The following PPFIA2 variants were observed in gnomAD, a reference collection of about 807,000 sequenced individuals.
PPFIA2 encodes the protein PPFI scaffold protein A2, also known as liprin-alpha-2.
Under a neutral mutation model 175.5 loss-of-function variants are expected in PPFIA2, and 46 were observed. That is an observed-to-expected ratio of 0.26 (90% CI 0.21 to 0.34). The LOEUF is 0.34. Among genes scored for constraint, PPFIA2 ranks in the 10% least tolerant of loss-of-function variants. PPFIA2 has a pLI of 1.00. For missense variants in PPFIA2, 1,179 were observed against 1,506.1 expected (o/e 0.78, Z 3.60); for synonymous variants, 568 against 511.4 (o/e 1.11, Z -1.49).
chr12:81,722,093 G>A (rs2079431423), intron 3 of PPFIA2, among the ~76,000 whole-genome samples: 1 of 150,838 alleles, frequency 6.6e-6, no homozygotes, highest in Non-Finnish European at 1.5e-5. Context: ...ACTTTCCTCA[G>A]GGCATTTAGA....
chr12:81,405,385 A>G (rs1429593756), intron 8 of PPFIA2, among the ~76,000 whole-genome samples: 1 of 152,098 alleles, frequency 6.6e-6, no homozygotes, highest in Non-Finnish European at 1.5e-5. Context: ...ACAATTCAAA[A>G]GTGTTGTTTT....
intron 23 of PPFIA2, chr12:81,298,092 C>T (rs1443364849): frequency 6.6e-6 from 1 of 152,104 alleles, no homozygotes; most frequent in East Asian, 1.9e-4. Context: ...AAAATAGCAG[C>T]GAACTCTCTG....
chr12:81,589,843 T>C (rs531379755), intron 4 of PPFIA2, among the ~76,000 whole-genome samples: 1 of 152,200 alleles, frequency 6.6e-6, no homozygotes, highest in South Asian at 2.1e-4. Context: ...GTTCCCTCTG[T>C]TCTCGTCCAA....
intron 3 of PPFIA2, among the ~76,000 whole-genome samples, chr12:81,752,707 T>G (rs1377288228): frequency 1.3e-5 from 2 of 152,196 alleles, no homozygotes; most frequent in Non-Finnish European, 2.9e-5. Flanking sequence ...GCTTTAGAAT[T>G]TTATCAACTT....
At chr12:81,263,742 T>C (rs754443791) in intron 30 of PPFIA2, among the ~76,000 whole-genome samples, 1 of 152,218 alleles carries the variant, frequency 6.6e-6, no homozygotes, top group Non-Finnish European at 1.5e-5. Context: ...AAAGAGATGA[T>C]ATACTTAATT....
At chr12:81,551,125 T>G (rs758110102) in intron 4 of PPFIA2, among the ~76,000 whole-genome samples, 2 of 152,098 alleles carry the variant, frequency 1.3e-5, no homozygotes, top group African/African-American at 4.8e-5. Context: ...GCTAGAAATG[T>G]ACGCTCAGAA....
At chr12:81,461,054 C>T (rs554599116) in intron 4 of PPFIA2, among the ~76,000 whole-genome samples, 1 of 152,062 alleles carries the variant, frequency 6.6e-6, no homozygotes, top group African/African-American at 2.4e-5. Flanking sequence ...TGCTTTTTAC[C>T]TTCAAATATA....
At chr12:81,485,690 C>T (rs2058732921) in intron 4 of PPFIA2, among the ~76,000 whole-genome samples, 1 of 151,806 alleles carries the variant, frequency 6.6e-6, no homozygotes, top group South Asian at 2.1e-4. Context: ...ATGTATAACA[C>T]AAGTCACAAA....
At chr12:81,740,791 T>G (rs1024256099) in intron 3 of PPFIA2, among the ~76,000 whole-genome samples, 1 of 152,094 alleles carries the variant, frequency 6.6e-6, no homozygotes, top group Middle Eastern at 3.2e-3. Flanking sequence ...ATTTTTCTGT[T>G]GGTATCATTC....
chr12:81,434,560 C>A (rs115399817), intron 7 of PPFIA2, among the ~76,000 whole-genome samples: 1 of 151,948 alleles, frequency 6.6e-6, no homozygotes, highest in Non-Finnish European at 1.5e-5. Flanking sequence ...ATTGAAACAA[C>A]CTGAAAGCAG....
chr12:81,675,221 C>CAA (rs2072262494), intron 4 of PPFIA2, among the ~76,000 whole-genome samples: 1 of 55,410 alleles, frequency 1.8e-5, no homozygotes, highest in Non-Finnish European at 6.1e-5. Flanking sequence ...CACACACACA[C>CAA]ATATATATAT....
chr12:81,442,882 T>TATTACTATAA (rs2050462046), intron 6 of PPFIA2, among the ~76,000 whole-genome samples: 1 of 109,988 alleles, frequency 9.1e-6, no homozygotes, highest in Non-Finnish European at 1.9e-5. Flanking sequence ...TATATATATA[T>TATTACTATAA]ATATATATAT....
chr12:81,276,338 A>T (rs2040524750), intron 28 of PPFIA2, among the ~76,000 whole-genome samples: 1 of 152,166 alleles, frequency 6.6e-6, no homozygotes, highest in Non-Finnish European at 1.5e-5. Context: ...CATTCAGGGG[A>T]TGGGTACACT....
chr12:81,356,112 A>G (rs2060813293), intron 16 of PPFIA2, among the ~76,000 whole-genome samples: 1 of 152,136 alleles, frequency 6.6e-6, no homozygotes, highest in Non-Finnish European at 1.5e-5. Flanking sequence ...CTTTCACTTG[A>G]ACACTTAAGG....
Position 81,663,580 on chromosome 12 carries a change from G to A in PPFIA2, c.303+13211C>T, listed in dbSNP as rs1391005159. On this transcript the variant is annotated intron_variant, in intron 4 of 32. Coordinates refer to ENST00000549396, the MANE Select transcript of PPFIA2 (RefSeq NM_003625.5). ...AAGAACATTCCATGCTCATGGATAGGAAGAATCAATATCATGAAAATGGCC... is the reference window on the plus strand; with the variant it reads ...AAGAACATTCCATGCTCATGGATAGAAAGAATCAATATCATGAAAATGGCC... Among the ~76,000 whole-genome samples, 5 of 152,132 alleles carry A rather than the reference G, an allele frequency of 3.3e-5. No homozygotes were observed. The East Asian group carries it at 9.6e-4, about 29-fold the overall frequency.
intron 3 of PPFIA2, among the ~76,000 whole-genome samples, chr12:81,696,963 T>G (rs2153596547): frequency 6.6e-6 from 1 of 152,152 alleles, no homozygotes; most frequent in East Asian, 1.9e-4. Context: ...AAATAGGTTT[T>G]TTTGACATGT....
At chr12:81,514,183 C>T (rs2147878410) in intron 4 of PPFIA2, among the ~76,000 whole-genome samples, 1 of 152,008 alleles carries the variant, frequency 6.6e-6, no homozygotes, top group East Asian at 1.9e-4. Context: ...CCCCCCTGAA[C>T]AAATACAGTA....
intron 3 of PPFIA2, among the ~76,000 whole-genome samples, chr12:81,746,273 A>T (rs1597158755): frequency 6.9e-6 from 1 of 144,848 alleles, no homozygotes; most frequent in African/African-American, 2.4e-5. Context: ...CAAGAAAAAA[A>T]TTGAGAGGAA....
intron 13 of PPFIA2, chr12:81,368,152 T>C (rs2034063602): frequency 1.6e-6 from 2 of 1,288,098 alleles, no homozygotes; most frequent in African/African-American, 1.5e-5. Context: ...CTCTTGCTGG[T>C]CTGGTAGCTG....
Sources: gnomAD v4.1 joint callset for allele counts (sites outside exome capture counted in the v4.1 genomes callset) on GRCh38, gnomAD v4.1.1 for gene constraint, MANE v1.5 for transcripts, NCBI Gene and HGNC (gene_info 2026-07-23, HGNC 2026-07-21) for gene names.